LOC128462377: variants seen among roughly 807,000 people sequenced by gnomAD.
chr16:89,381,354 A>AAAAAAAAAAAAAAAAAAAAAAG, the LOC128462377 span, among the ~76,000 whole-genome samples: 3 of 125,338 alleles, frequency 2.4e-5, no homozygotes, highest in Admixed American at 8.2e-5. Context: ...AAAAAAAAAA[A>AAAAAAAAAAAAAAAAAAAAAAG]GGGGTGAGAA....
chr16:89,349,756 A>G, the LOC128462377 span, among the ~76,000 whole-genome samples: 3 of 152,068 alleles, frequency 2.0e-5, no homozygotes, highest in Non-Finnish European at 4.4e-5. Context: ...AAAAAGCACA[A>G]AGTACCCAAG....
At chr16:89,363,481 TAA>T in the LOC128462377 span, among the ~76,000 whole-genome samples, 331 of 148,074 alleles carry the variant, frequency 2.2e-3, 2 homozygotes, top group African/African-American at 7.2e-3. Flanking sequence ...ATAATAAAAT[TAA>T]AAAAAAAAAA....
At chr16:89,371,064 T>C in the LOC128462377 span, among the ~76,000 whole-genome samples, 2 of 152,262 alleles carry the variant, frequency 1.3e-5, no homozygotes, top group Admixed American at 1.3e-4. Context: ...AGGGGACTTG[T>C]TCAGGTGAGA....
the LOC128462377 span, among the ~76,000 whole-genome samples, chr16:89,383,050 T>C: frequency 2.6e-5 from 4 of 152,224 alleles, no homozygotes; most frequent in Non-Finnish European, 2.9e-5. Context: ...AATTATGCCA[T>C]GTCATATACC....
chr16:89,318,568 G>GT, the LOC128462377 span, among the ~76,000 whole-genome samples: 86,153 of 152,022 alleles, frequency 0.57, 24,743 homozygotes, highest in Middle Eastern at 0.72. Flanking sequence ...AGACCCATCT[G>GT]TGAGTGGCAG....
At chr16:89,356,788 A>G in the LOC128462377 span, among the ~76,000 whole-genome samples, 4 of 151,142 alleles carry the variant, frequency 2.6e-5, no homozygotes, top group African/African-American at 9.8e-5. Context: ...CTCAAAAAAA[A>G]AAAAAAAGAA....
the LOC128462377 span, among the ~76,000 whole-genome samples, chr16:89,349,297 G>A: frequency 3.3e-5 from 5 of 152,012 alleles, no homozygotes; most frequent in African/African-American, 4.8e-5. Flanking sequence ...GGGAGAACAC[G>A]GTGAAACCCC....
At chr16:89,331,612 G>A in the LOC128462377 span, among the ~76,000 whole-genome samples, 2 of 152,032 alleles carry the variant, frequency 1.3e-5, no homozygotes, top group South Asian at 2.1e-4. Flanking sequence ...AGCGATTCAG[G>A]AGATAGAGAT....
At chr16:89,362,451 C>A in the LOC128462377 span, among the ~76,000 whole-genome samples, 1 of 152,210 alleles carries the variant, frequency 6.6e-6, no homozygotes, top group African/African-American at 2.4e-5. Context: ...ATGAAGTGAA[C>A]AGCACTGAAG....
chr16:89,360,828 T>C, the LOC128462377 span: 2 of 152,328 alleles, frequency 1.3e-5, no homozygotes, highest in African/African-American at 4.8e-5. Flanking sequence ...AGTAATCAGA[T>C]ACCTGGTCAG....
chr16:89,397,779 C>T, the LOC128462377 span, among the ~76,000 whole-genome samples: 1 of 152,206 alleles, frequency 6.6e-6, no homozygotes, highest in Non-Finnish European at 1.5e-5. Context: ...AGGCAAGGGA[C>T]TGGAGTGGAG....
the LOC128462377 span, among the ~76,000 whole-genome samples, chr16:89,415,234 G>A: frequency 2.0e-5 from 3 of 150,470 alleles, no homozygotes; most frequent in Non-Finnish European, 4.4e-5. Flanking sequence ...GATTACAGGT[G>A]GGAGCCACTG....
chr16:89,411,540 A>G, the LOC128462377 span, among the ~76,000 whole-genome samples: 1 of 152,154 alleles, frequency 6.6e-6, no homozygotes, highest in Non-Finnish European at 1.5e-5. Flanking sequence ...CAACCTCCTG[A>G]GTAACCATGA....
the LOC128462377 span, among the ~76,000 whole-genome samples, chr16:89,395,314 T>C: frequency 1.3e-5 from 2 of 152,218 alleles, no homozygotes; most frequent in African/African-American, 4.8e-5. Context: ...TCCGTAATCC[T>C]GGGAGCAGCG....
At chr16:89,353,342 C>CA in the LOC128462377 span, among the ~76,000 whole-genome samples, 26 of 142,038 alleles carry the variant, frequency 1.8e-4, no homozygotes, top group Admixed American at 4.2e-4. Context: ...ACTCCAACTC[C>CA]AAAAAAAAAG....
chr16:89,378,350 C>T, the LOC128462377 span, among the ~76,000 whole-genome samples: 8 of 152,096 alleles, frequency 5.3e-5, no homozygotes, highest in African/African-American at 1.2e-4. Context: ...CCACTAATCC[C>T]CAAGTTGTTC....
At chr16:89,394,733 T>G in the LOC128462377 span, among the ~76,000 whole-genome samples, 1 of 152,196 alleles carries the variant, frequency 6.6e-6, no homozygotes, top group African/African-American at 2.4e-5. Context: ...GGAGTCGTGT[T>G]TTATGACAAA....
At chr16:89,341,655 C>T in the LOC128462377 span, among the ~76,000 whole-genome samples, 1 of 152,232 alleles carries the variant, frequency 6.6e-6, no homozygotes, top group Non-Finnish European at 1.5e-5. Flanking sequence ...GGGAGCAATG[C>T]CACGTATGCA....
At chr16:89,396,363 C>CACACTCCCACACACAG in the LOC128462377 span, among the ~76,000 whole-genome samples, 1 of 151,928 alleles carries the variant, frequency 6.6e-6, no homozygotes, top group Non-Finnish European at 1.5e-5. Context: ...CCCACACACA[C>CACACTCCCACACACAG]GCGACGGAGC....
Sources: allele counts gnomAD v4.1 joint callset (sites outside exome capture counted in the v4.1 genomes callset), GRCh38; gene constraint gnomAD v4.1.1; transcripts MANE v1.5.